IPO9: variants seen among roughly 807,000 people sequenced by gnomAD.
IPO9 encodes the protein importin-9.
IPO9 carries 28 observed loss-of-function variants against 128.6 expected under a neutral mutation model. The observed-to-expected ratio is 0.22, with a 90% CI of 0.16 to 0.30. The LOEUF (loss-of-function observed/expected upper bound fraction) is 0.30. Ranked by LOEUF, IPO9 falls within the 10% of genes least tolerant of loss-of-function variation. The pLI, the probability that IPO9 is intolerant of heterozygous loss-of-function variation, is 1.00. For synonymous variants in IPO9, 455 were observed against 475.8 expected (o/e 0.96, Z 0.57); for missense variants, 935 against 1,293.9 (o/e 0.72, Z 4.26).
intron 2 of IPO9, 25 bp downstream of exon 2, chr1:201,847,365 T>C: frequency 6.3e-7 from 1 of 1,598,468 alleles, no homozygotes. Context: ...GCCCAATTTA[T>C]AAATAGTTTC....
intron 2 of IPO9, 67 bp from the exon 3 acceptor site, chr1:201,847,481 CTATG>C (rs1421540043): frequency 7.2e-7 from 1 of 1,383,860 alleles, no homozygotes; most frequent in Non-Finnish European, 1.0e-6. Flanking sequence ...ATGTATCAGG[CTATG>C]TATATAGTTT....
chr1:201,849,501 T>C (rs2644107), intron 4 of IPO9, among the ~76,000 whole-genome samples: 41,885 of 152,166 alleles, frequency 0.28, 6,034 homozygotes, highest in Non-Finnish European at 0.33. Flanking sequence ...GTCCCACCAA[T>C]ATCTTATCTC....
Position 201,855,156 on chromosome 1 carries a change from A to T in IPO9, c.944A>T (p.Glu315Val), listed in dbSNP as rs1490520412. Residue 315 changes from glutamate (E) to valine (V), a missense_variant, in exon 9 of 24, where the codon GAA (glutamate) becomes GTA (valine). Around this residue, in one of 3 missense-constraint regions of IPO9, gnomAD observed 741 missense variants for 1,019.1 expected, o/e 0.73. Transcript: ENST00000361565. ...AGGACAGAAGTAAATTACACAGAAGAAGTAGAAGATCCTGTGGATTCTGAT... is the reference window on the plus strand; with the variant it reads ...AGGACAGAAGTAAATTACACAGAAGTAGTAGAAGATCCTGTGGATTCTGAT... ...YVRTEVNYTE[E>V]VEDPVDSDGE... is the part of the protein sequence containing the mutation. The T allele has an allele frequency of 1.9e-6, 3 of 1,598,488 alleles. No individual in the cohort carries two copies. The highest frequency in any genetic ancestry group is 2.2e-5 in the East Asian group (1 of 44,788).
intron 13 of IPO9, among the ~76,000 whole-genome samples, chr1:201,860,210 G>A (rs1250959904): frequency 6.6e-6 from 1 of 152,208 alleles, no homozygotes; most frequent in Admixed American, 6.5e-5. Flanking sequence ...CCATAGGATA[G>A]TTCTGGGAGT....
Position 201,854,857 on chromosome 1 carries a change from A to C in IPO9, c.845A>C (p.His282Pro). ...GCCCTAGTGAAAAACTTCCCAAAGC[A>C]CATGGTGTCCTCCATGCAGCAGATT... The part of the protein sequence containing the change: ...VTALVKNFPK[H>P]MVSSMQQILP... The change falls in exon 8 of 24, where the codon CAC (histidine) becomes CCC (proline). Residue 282 changes from histidine to proline, a missense_variant. Coordinates refer to ENST00000361565, the MANE Select transcript of IPO9 (RefSeq NM_018085.5). 6.2e-7 allele frequency: 1 copy of C among 1,612,056 alleles called. No individual in the cohort carries two copies. The highest frequency in any genetic ancestry group is 8.5e-7 in the Non-Finnish European group (1 of 1,179,374).
rs112114698 is a variant in IPO9 at position 201,874,308 on chromosome 1, C to T, written c.2769C>T (p.Asn923=). The T allele has an allele frequency of 1.5e-4, 249 of 1,613,936 alleles. 1 individual carries two copies. The highest frequency in any genetic ancestry group is 8.9e-4 in the African/African-American group (67 of 75,024). The change falls in exon 21 of 24, where the codon AAC becomes AAT. Residue 923 remains asparagine, a synonymous_variant. Coordinates refer to ENST00000361565, the MANE Select transcript of IPO9 (RefSeq NM_018085.5). ...LLVKILKLII[N]ELSNVMEANA... is the part of the protein sequence containing the mutation. ...TCAAGATCCTAAAGCTGATCATCAA[C>T]GAGCTCTCCAACGTCATGGAGGCTA... is the stretch of plus-strand genomic sequence containing the variant.
At chr1:201,874,753 C>G (rs1680727074) in intron 21 of IPO9, 79 bp from the exon 22 acceptor site, 4 of 982,758 alleles carry the variant, frequency 4.1e-6, no homozygotes, top group African/African-American at 3.2e-5. Context: ...TGGGGCCCTT[C>G]TATTCTGGCC....
At chr1:201,855,090 A>G (rs368539230) in intron 8 of IPO9, 34 bp from the exon 9 acceptor site, 1 of 1,433,134 alleles carries the variant, frequency 7.0e-7, no homozygotes, top group African/African-American at 1.4e-5. Context: ...TGTAAAGCAG[A>G]CTCCAAATTC....
intron 1 of IPO9, among the ~76,000 whole-genome samples, chr1:201,834,454 G>C (rs967162543): frequency 6.6e-6 from 1 of 151,966 alleles, no homozygotes; most frequent in African/African-American, 2.4e-5. Context: ...GAGAATGTCA[G>C]CCTTTTATTT....
chr1:201,877,460 A>G lies in IPO9; in HGVS notation c.*1406A>G, dbSNP rs915695566. Reference sequence around the variant, plus strand: ...AGAGGTTGCAGTGAACCGATATCACACCGTTGCATTCCAAGGCAAGACTCA... The same window carrying G: ...AGAGGTTGCAGTGAACCGATATCACGCCGTTGCATTCCAAGGCAAGACTCA... On this transcript the variant is annotated 3_prime_UTR_variant, in exon 24 of 24. Transcript: ENST00000361565. 6.6e-6 allele frequency: 1 copy of G among 151,930 alleles called. No homozygotes were observed. The highest frequency in any genetic ancestry group is 2.1e-4 in the South Asian group (1 of 4,824). 9.4% of individuals were successfully genotyped at this position (151,930 alleles called of 1,614,324 possible).
At chr1:201,831,328 G>A (rs1679829474) in intron 1 of IPO9, among the ~76,000 whole-genome samples, 1 of 152,178 alleles carries the variant, frequency 6.6e-6, no homozygotes, top group Non-Finnish European at 1.5e-5. Context: ...AGGCATCGAT[G>A]CAGTGACCTG....
intron 1 of IPO9, among the ~76,000 whole-genome samples, chr1:201,832,655 A>G (rs774098635): frequency 2.0e-4 from 31 of 152,270 alleles, no homozygotes; most frequent in Non-Finnish European, 4.0e-4. Flanking sequence ...TTTTGGTTCC[A>G]TGGGGCCCAG....
At chr1:201,853,143 T>G (rs747786220) in intron 6 of IPO9, 46 bp downstream of exon 6, 8 of 1,497,344 alleles carry the variant, frequency 5.3e-6, no homozygotes, top group Admixed American at 1.7e-5. Context: ...CTTAAAAGTT[T>G]TATTCATGCA....
chr1:201,859,566 CT>C (rs1680402675), intron 13 of IPO9, among the ~76,000 whole-genome samples: 1 of 152,130 alleles, frequency 6.6e-6, no homozygotes, highest in Admixed American at 6.5e-5. Context: ...CACATTCTTC[CT>C]GTTTGTTTCC....
At position 201,875,210 on chromosome 1, in the gene IPO9, C is replaced by T. The variant is rs753440749; in HGVS notation, c.2997C>T (p.Leu999=). The change falls in exon 23 of 24, where the codon CTC becomes CTT. Residue 999 remains leucine (L), a synonymous_variant. Transcript: ENST00000361565. ...EDDPDALKDP[L]YQIDLQAYLT... ...ACCCTGATGCCCTGAAGGATCCTCTCTATCAGATTGATCTGCAGGTGAGGG... is the reference window on the plus strand; with the variant it reads ...ACCCTGATGCCCTGAAGGATCCTCTTTATCAGATTGATCTGCAGGTGAGGG... 19 of 1,613,810 alleles carry T rather than the reference C, an allele frequency of 1.2e-5. No homozygotes were observed. The South Asian group carries it at 1.8e-4, about 15-fold the overall frequency.
rs1558226631 is a variant in IPO9, at chr1:201,876,210, G to T, written c.*156G>T. The T allele has an allele frequency of 1.4e-6, 1 of 738,524 alleles. No homozygotes were observed. The allele number at this position is 738,524 out of a possible 1,614,324, so 45.7% of individuals were successfully genotyped here. ...GTGACACTGATGACAATTCAGACCA[G>T]GCTCACCGGTGCCGTCACTTAGGAA... On this transcript the variant is annotated 3_prime_UTR_variant, in exon 24 of 24. Coordinates refer to ENST00000361565, the MANE Select transcript of IPO9 (RefSeq NM_018085.5).
At chr1:201,871,015 G>A (rs1378507739) in intron 18 of IPO9, 146 bp from the exon 19 acceptor site, 6 of 1,274,676 alleles carry the variant, frequency 4.7e-6, no homozygotes, top group Non-Finnish European at 6.5e-6. Context: ...TAAGAAACAT[G>A]GACAAGGAAA....
chr1:201,873,933 G>A (rs923712352), intron 20 of IPO9, among the ~76,000 whole-genome samples: 10 of 152,074 alleles, frequency 6.6e-5, no homozygotes, highest in African/African-American at 1.4e-4. Flanking sequence ...AATTACCTCC[G>A]CTGTCTCTCA....
At position 201,830,624 on chromosome 1, in the gene IPO9, T is replaced by C. The variant is rs147619441; in HGVS notation, c.163+1252T>C. ...TTTGAGAACCATGTATAAACTAATC[T>C]AAAGGAATTTTTAGCGGCTTCTAAA... On this transcript the variant is annotated intron_variant, in intron 1 of 23. Transcript: ENST00000361565. Among the ~76,000 whole-genome samples, 27 of 152,344 alleles carry C rather than the reference T, an allele frequency of 1.8e-4. No homozygotes were observed. In the East Asian group the frequency reaches 5.2e-3, roughly 29 times the overall value.
Sources: allele counts gnomAD v4.1 joint callset (sites outside exome capture counted in the v4.1 genomes callset), GRCh38; gene constraint gnomAD v4.1.1; regional missense constraint gnomAD v4.1.1; transcripts MANE v1.5; gene names NCBI Gene and HGNC (gene_info 2026-07-23, HGNC 2026-07-21).